ZNF420: variants seen among roughly 807,000 people sequenced by gnomAD.
ZNF420 encodes ATM and p53-associated KZNF protein.
A neutral mutation model predicts 44.7 loss-of-function variants in ZNF420; 31 were observed. The ratio of observed to expected loss-of-function variants is 0.69; its 90% CI spans 0.52 to 0.94. The LOEUF is 0.94. ZNF420 is among the 40% of genes least tolerant of loss of function. The pLI, the probability that ZNF420 is intolerant of heterozygous loss-of-function variation, is 0.00. For missense variants in ZNF420, 681 were observed against 827.9 expected, an observed-to-expected ratio of 0.82 and a Z score of 2.18; for synonymous variants, 245 against 267.4, an observed-to-expected ratio of 0.92 and a Z score of 0.82.
In ZNF420 at chr19:37,053,885, G is replaced by C. The variant is rs185172850; in HGVS notation, c.-124-26460G>C. Among the ~76,000 whole-genome samples, 489 of 152,324 alleles carry C rather than the reference G, an allele frequency of 3.2e-3. 4 individuals are homozygous for C. The highest frequency in any genetic ancestry group is 0.011 in the African/African-American group (470 of 41,564). On this transcript the variant is annotated intron_variant, in intron 1 of 4. Coordinates refer to the ZNF420 transcript ENST00000587029. Reference sequence around the variant, plus strand: ...TGGGAGAACCACTACTCTCTTCAAAGCTGTCAGACACGGACATTTAAGTCT... The same window carrying C: ...TGGGAGAACCACTACTCTCTTCAAACCTGTCAGACACGGACATTTAAGTCT...
At chr19:37,087,301 AT>A (rs1568446957) in intron 2 of ZNF420, among the ~76,000 whole-genome samples, 3,087 of 124,300 alleles carry the variant, frequency 0.025, 54 homozygotes, top group East Asian at 0.049. Flanking sequence ...AAATAAATAA[AT>A]AAATAAATAA....
chr19:37,097,364 T>C (rs1047017184), intron 4 of ZNF420, among the ~76,000 whole-genome samples: 1 of 152,164 alleles, frequency 6.6e-6, no homozygotes, highest in Non-Finnish European at 1.5e-5. Context: ...TTTCAGTGGA[T>C]TATAGTGGAT....
At chr19:37,016,533 GC>G (rs1284578955) in intron 1 of ZNF420, among the ~76,000 whole-genome samples, 1 of 152,196 alleles carries the variant, frequency 6.6e-6, no homozygotes, top group Non-Finnish European at 1.5e-5. Context: ...CCCATTGGGA[GC>G]ATGCCCGGAC....
At chr19:37,108,306 G>A (rs1970205121) in intron 4 of ZNF420, 1 of 152,154 alleles carries the variant, frequency 6.6e-6, no homozygotes, top group African/African-American at 2.4e-5. Flanking sequence ...AATATGGATG[G>A]ATGGCGAGGC....
chr19:37,031,672 C>T (rs1244668062), intron 1 of ZNF420, among the ~76,000 whole-genome samples: 1 of 151,892 alleles, frequency 6.6e-6, no homozygotes, highest in African/African-American at 2.4e-5. Flanking sequence ...GCCACCACAC[C>T]TGGATAATTT....
At chr19:37,028,047 A>G (rs1231377900) in intron 1 of ZNF420, among the ~76,000 whole-genome samples, 2 of 152,212 alleles carry the variant, frequency 1.3e-5, no homozygotes, top group East Asian at 3.8e-4. Flanking sequence ...CCCAGCAGCA[A>G]TCAATGAGAG....
At position 37,054,476 on chromosome 19, in the gene ZNF420, G is replaced by C. The variant is rs372933136; in HGVS notation, c.-124-25869G>C. 5.3e-5 allele frequency among the ~76,000 whole-genome samples: 8 copies of C among 152,230 alleles called. No individual in the cohort carries two copies. In the East Asian group the frequency reaches 1.5e-3, roughly 29 times the overall value. On this transcript the variant is annotated intron_variant, in intron 1 of 4. Transcript: ENST00000587029. ...ATGCTGGGAGCTCTAGACTGGAGCTGTTCCTATTCAGCCATCTTGGCTCCA... is the reference window on the plus strand; with the variant it reads ...ATGCTGGGAGCTCTAGACTGGAGCTCTTCCTATTCAGCCATCTTGGCTCCA...
At chr19:37,018,529 G>C (rs1187380897) in intron 1 of ZNF420, among the ~76,000 whole-genome samples, 2 of 152,014 alleles carry the variant, frequency 1.3e-5, no homozygotes, top group African/African-American at 4.8e-5. Flanking sequence ...AGGAAAACTG[G>C]GTATCTACAT....
chr19:37,102,219 C>A (rs911708888), intron 4 of ZNF420, among the ~76,000 whole-genome samples: 12 of 152,288 alleles, frequency 7.9e-5, no homozygotes, highest in Non-Finnish European at 1.8e-4. Context: ...CCAGTTATTG[C>A]AGGAGGGCCC....
At chr19:37,062,582 T>G (rs1191188860) in intron 1 of ZNF420, among the ~76,000 whole-genome samples, 1 of 152,222 alleles carries the variant, frequency 6.6e-6, no homozygotes, top group African/African-American at 2.4e-5. Flanking sequence ...ATGAACTTAT[T>G]TCTGTATATT....
At chr19:37,102,639 TC>T (rs1969842017) in intron 4 of ZNF420, among the ~76,000 whole-genome samples, 1 of 152,198 alleles carries the variant, frequency 6.6e-6, no homozygotes, top group Non-Finnish European at 1.5e-5. Context: ...AAAATGACTT[TC>T]CTAGGTCTTG....
intron 1 of ZNF420, among the ~76,000 whole-genome samples, chr19:37,063,992 C>T (rs1967923461): frequency 6.6e-6 from 1 of 152,118 alleles, no homozygotes; most frequent in African/African-American, 2.4e-5. Flanking sequence ...TATTATAAGC[C>T]AGTCTGAAGA....
At chr19:37,014,778 G>T (rs946413916) in intron 1 of ZNF420, among the ~76,000 whole-genome samples, 2 of 152,198 alleles carry the variant, frequency 1.3e-5, no homozygotes, top group African/African-American at 4.8e-5. Flanking sequence ...TGGCAGATCA[G>T]GAGCCCTCTG....
chr19:37,041,638 T>C (rs900875803), intron 1 of ZNF420, among the ~76,000 whole-genome samples: 3 of 152,212 alleles, frequency 2.0e-5, no homozygotes, highest in African/African-American at 7.2e-5. Flanking sequence ...TAATAAATCC[T>C]TGAAAATAAG....
At chr19:37,078,357 C>A (rs999231728), upstream of ZNF420, 4 of 152,210 alleles carry the variant, frequency 2.6e-5, no homozygotes, top group Non-Finnish European at 5.9e-5. Flanking sequence ...TTCCCAGAGG[C>A]ACGGCGTCCG....
intron 4 of ZNF420, among the ~76,000 whole-genome samples, chr19:37,098,031 C>T (rs117749902): frequency 0.021 from 3,251 of 152,000 alleles, 136 homozygotes; most frequent in South Asian, 0.13. Flanking sequence ...AGTGCAGTGG[C>T]CTGATCACAG....
At chr19:37,055,384 C>T (rs1448491695) in intron 1 of ZNF420, among the ~76,000 whole-genome samples, 1 of 152,144 alleles carries the variant, frequency 6.6e-6, no homozygotes, top group African/African-American at 2.4e-5. Flanking sequence ...CCCCAGCCGG[C>T]GACCTGAAGC....
chr19:37,087,286 A>ATAAAT (rs1334064958), intron 2 of ZNF420, among the ~76,000 whole-genome samples: 2 of 42,458 alleles, frequency 4.7e-5, no homozygotes, highest in Non-Finnish European at 8.4e-5. Context: ...CTGTCTCAAA[A>ATAAAT]AAAAAAATAA....
At chr19:37,065,320 C>T (rs1323246264) in intron 1 of ZNF420, among the ~76,000 whole-genome samples, 1 of 152,204 alleles carries the variant, frequency 6.6e-6, no homozygotes, top group African/African-American at 2.4e-5. Context: ...GGGTTTTAGA[C>T]CCTGGACCCC....
Sources: allele counts gnomAD v4.1 joint callset (sites outside exome capture counted in the v4.1 genomes callset), GRCh38; gene constraint gnomAD v4.1.1; transcripts MANE v1.5; gene names NCBI Gene and HGNC (gene_info 2026-07-23, HGNC 2026-07-21).